SLC2A14: variants seen among roughly 807,000 people sequenced by gnomAD.
SLC2A14 encodes the protein solute carrier family 2, facilitated glucose transporter member 14.
SLC2A14 carries 13 observed loss-of-function variants against 43.0 expected under a neutral mutation model. The ratio of observed to expected loss-of-function variants is 0.30; its 90% confidence interval spans 0.20 to 0.48. The LOEUF (loss-of-function observed/expected upper bound fraction) is 0.48, where lower values mean the gene tolerates loss of function less well. SLC2A14 is among the 20% of genes least tolerant of loss of function. SLC2A14 has a pLI of 0.99. For synonymous variants in SLC2A14, 190 were observed against 233.8 expected (o/e 0.81, Z 1.71); for missense variants, 428 against 620.4 (o/e 0.69, Z 3.29).
At chr12:7,890,888 A>C (rs1258396927) in intron 1 of SLC2A14, 6 of 1,275,462 alleles carry the variant, frequency 4.7e-6, no homozygotes, top group Non-Finnish European at 6.3e-6. Flanking sequence ...CACTTAACAC[A>C]CTGTGCTGAT....
chr12:7,869,156 A>AAAAAAC (rs576975625), intron 2 of SLC2A14, among the ~76,000 whole-genome samples: 36 of 151,224 alleles, frequency 2.4e-4, no homozygotes, highest in African/African-American at 3.4e-4. Flanking sequence ...AAAAAAAAAA[A>AAAAAAC]AACAGTGTTG....
At chr12:7,869,773 A>C (rs142564476) in intron 2 of SLC2A14, 90 bp downstream of exon 2, 2 of 825,330 alleles carry the variant, frequency 2.4e-6, no homozygotes, top group Non-Finnish European at 3.9e-6. Flanking sequence ...TTATCAAGAC[A>C]TGAAAAGTTT....
At chr12:7,815,762 G>C (rs1863384651) in intron 10 of SLC2A14, among the ~76,000 whole-genome samples, 1 of 151,954 alleles carries the variant, frequency 6.6e-6, no homozygotes, top group Non-Finnish European at 1.5e-5. Flanking sequence ...TTTTAGTAGA[G>C]GTGGGGATTT....
intron 2 of SLC2A14, among the ~76,000 whole-genome samples, chr12:7,840,806 C>T (rs907950893): frequency 5.3e-5 from 8 of 152,028 alleles, no homozygotes; most frequent in Admixed American, 1.3e-4. Flanking sequence ...GCGGTCTAGA[C>T]GTTGAGCACA....
In SLC2A14 at chr12:7,886,151, CTTTTT is replaced by C. The variant is rs3044922; in HGVS notation, c.132+4840_132+4844del. On this transcript the variant is annotated intron_variant, in intron 1 of 9. Transcript: ENST00000539924. ...GGCATGTACCACCACGCCCGGACAGCTTTTTTTTTTTTTTTTTTTTTTTTTTTTTT... is the reference window on the plus strand; with the variant it reads ...GGCATGTACCACCACGCCCGGACAGCTTTTTTTTTTTTTTTTTTTTTTTTT... 2.7e-3 allele frequency among the ~76,000 whole-genome samples: 120 copies of C among 44,726 alleles called. 1 individual carries two copies. The highest frequency in any genetic ancestry group is 0.01 in the African/African-American group (115 of 11,272). The allele number at this position is 44,726 out of a possible 152,430, so 29.3% of individuals were successfully genotyped here.
chr12:7,863,407 C>A (rs1489065029), intron 2 of SLC2A14: 2 of 453,372 alleles, frequency 4.4e-6, no homozygotes, highest in Non-Finnish European at 8.8e-6. Flanking sequence ...GTCAGTGAGA[C>A]CAAGAACCCA....
chr12:7,823,549 C>G (rs1323335687), intron 7 of SLC2A14, among the ~76,000 whole-genome samples: 1 of 151,780 alleles, frequency 6.6e-6, no homozygotes, highest in Non-Finnish European at 1.5e-5. Flanking sequence ...GGAGAAACCC[C>G]GTCTCTATTA....
At chr12:7,876,946 AT>A (rs1945473025), upstream of SLC2A14, among the ~76,000 whole-genome samples, 1 of 151,478 alleles carries the variant, frequency 6.6e-6, no homozygotes. Context: ...TTAGCATGAT[AT>A]TCTCCATGTT....
chr12:7,882,162 C>T (rs1945590082), intron 1 of SLC2A14, among the ~76,000 whole-genome samples: 1 of 152,046 alleles, frequency 6.6e-6, no homozygotes, highest in Non-Finnish European at 1.5e-5. Context: ...CTTTTATGAG[C>T]TGTAACACTC....
At chr12:7,823,287 G>A (rs1464305556) in intron 7 of SLC2A14, among the ~76,000 whole-genome samples, 3 of 151,774 alleles carry the variant, frequency 2.0e-5, no homozygotes, top group Non-Finnish European at 2.9e-5. Context: ...GGAGGCTGAG[G>A]CAGGAGAATC....
intron 2 of SLC2A14, among the ~76,000 whole-genome samples, chr12:7,856,990 G>T (rs755669172): frequency 3.9e-5 from 6 of 152,010 alleles, no homozygotes; most frequent in African/African-American, 1.2e-4. Flanking sequence ...GGTGGCTCAC[G>T]CCTGTAATCC....
intron 1 of SLC2A14, among the ~76,000 whole-genome samples, chr12:7,882,383 C>T (rs866598611): frequency 4.7e-4 from 71 of 152,082 alleles, no homozygotes; most frequent in African/African-American, 1.5e-3. Flanking sequence ...ACTCCAGATG[C>T]GCCACATTTA....
intron 1 of SLC2A14, among the ~76,000 whole-genome samples, chr12:7,886,869 G>C (rs1945696163): frequency 6.7e-6 from 1 of 148,642 alleles, no homozygotes; most frequent in African/African-American, 2.5e-5. Context: ...CAAAACCCTA[G>C]TTCTCATTTA....
At chr12:7,838,962 G>A (rs1187353855) in intron 2 of SLC2A14, among the ~76,000 whole-genome samples, 3 of 151,346 alleles carry the variant, frequency 2.0e-5, no homozygotes, top group Non-Finnish European at 4.4e-5. Flanking sequence ...AAAAGGCCAT[G>A]TGAAGACACT....
At chr12:7,875,803 C>T (rs145568668), upstream of SLC2A14, among the ~76,000 whole-genome samples, 24 of 152,134 alleles carry the variant, frequency 1.6e-4, no homozygotes, top group African/African-American at 2.4e-4. Flanking sequence ...TGAAAGACCC[C>T]GTCTCTACTA....
intron 2 of SLC2A14, among the ~76,000 whole-genome samples, chr12:7,869,541 A>C (rs980937809): frequency 6.6e-6 from 1 of 152,212 alleles, no homozygotes; most frequent in African/African-American, 2.4e-5. Flanking sequence ...CTTTCCAAGG[A>C]AATTCCCGCA....
chr12:7,876,613 A>G (rs951571390), upstream of SLC2A14, among the ~76,000 whole-genome samples: 3 of 152,204 alleles, frequency 2.0e-5, no homozygotes, highest in Non-Finnish European at 4.4e-5. Context: ...AAAGGAAATG[A>G]AACCAGCACC....
At position 7,869,919 on chromosome 12, in the gene SLC2A14, C is replaced by T. The variant is rs1040754277; in HGVS notation, c.-39G>A. 8 of 1,528,384 alleles carry T rather than the reference C, an allele frequency of 5.2e-6. No individual in the cohort carries two copies. The highest frequency in any genetic ancestry group is 4.9e-5 in the East Asian group (2 of 40,852). The allele number at this position is 1,528,384 out of a possible 1,614,324, so 94.7% of individuals were successfully genotyped here. A position where few individuals can be genotyped will look rare whatever the true frequency, so the allele number is the denominator to read the frequency against. ...TAGGAATTGACTCCCTCTCCAATTT[C>T]TCTTCAAGGTACTGCTTCCTGTAAA... On this transcript the variant is annotated 5_prime_UTR_variant, in exon 2 of 11. Coordinates refer to ENST00000431042, the MANE Select transcript of SLC2A14 (RefSeq NM_001286234.2).
At chr12:7,881,913 A>T (rs1239217220) in intron 1 of SLC2A14, among the ~76,000 whole-genome samples, 1 of 152,134 alleles carries the variant, frequency 6.6e-6, no homozygotes, top group East Asian at 1.9e-4. Context: ...TGTGATGGGG[A>T]CATGGATAAC....
Sources: gnomAD v4.1 joint callset for allele counts (sites outside exome capture counted in the v4.1 genomes callset) on GRCh38, gnomAD v4.1.1 for gene constraint, MANE v1.5 for transcripts, NCBI Gene and HGNC (gene_info 2026-07-23, HGNC 2026-07-21) for gene names.